LGSN: variants seen among roughly 807,000 people sequenced by gnomAD.
LGSN encodes lengsin.
LGSN carries 21 observed loss-of-function variants against 19.5 expected under a neutral mutation model. That is an observed-to-expected ratio of 1.07 (90% CI 0.76 to 1.55). The LOEUF (loss-of-function observed/expected upper bound fraction) is 1.55, where lower values mean the gene tolerates loss of function less well. LGSN is among the 40% of genes most tolerant of loss of function. The probability of loss-of-function intolerance (pLI) is 0.00; values close to 1 mark genes in which losing one functional copy is unlikely to be tolerated. For missense variants in LGSN, 673 were observed against 608.5 expected, an observed-to-expected ratio of 1.11 and a Z score of -1.12; for synonymous variants, 257 against 215.6, an observed-to-expected ratio of 1.19 and a Z score of -1.68.
the LGSN span, among the ~76,000 whole-genome samples, chr6:63,480,978 TATATATATAC>T: frequency 3.5e-4 from 12 of 34,676 alleles, no homozygotes; most frequent in African/African-American, 6.3e-4. Flanking sequence ...TATATATATA[TATATATATAC>T]ACACACACAT....
At chr6:63,545,193 C>G in the LGSN span, among the ~76,000 whole-genome samples, 2 of 152,298 alleles carry the variant, frequency 1.3e-5, no homozygotes, top group East Asian at 3.9e-4. Flanking sequence ...TTTTGATACT[C>G]AAATCGTCCC....
the LGSN span, among the ~76,000 whole-genome samples, chr6:63,350,448 A>G: frequency 6.6e-6 from 1 of 152,242 alleles, no homozygotes; most frequent in Non-Finnish European, 1.5e-5. Context: ...ATCTCAGTGC[A>G]TTCAAATTAA....
the LGSN span, among the ~76,000 whole-genome samples, chr6:63,399,424 C>T: frequency 5.6e-5 from 8 of 142,504 alleles, no homozygotes; most frequent in Non-Finnish European, 1.1e-4. Context: ...GACGGAGTTT[C>T]GCTCCTGTCA....
At chr6:63,429,382 G>T in the LGSN span, among the ~76,000 whole-genome samples, 2 of 152,072 alleles carry the variant, frequency 1.3e-5, no homozygotes, top group Admixed American at 1.3e-4. Context: ...AAAGAACTAT[G>T]CTATATTATA....
chr6:63,442,622 G>GTGCGTT, the LGSN span, among the ~76,000 whole-genome samples: 1 of 151,752 alleles, frequency 6.6e-6, no homozygotes, highest in East Asian at 1.9e-4. Context: ...GTGCTGACTG[G>GTGCGTT]TACGTTTACA....
At chr6:63,514,037 T>C in the LGSN span, among the ~76,000 whole-genome samples, 1 of 150,724 alleles carries the variant, frequency 6.6e-6, no homozygotes, top group Non-Finnish European at 1.5e-5. Flanking sequence ...AAATGAATAA[T>C]ATATAAAATA....
At chr6:63,488,605 G>A in the LGSN span, among the ~76,000 whole-genome samples, 2 of 152,098 alleles carry the variant, frequency 1.3e-5, no homozygotes, top group Non-Finnish European at 2.9e-5. Flanking sequence ...TATGGAATTA[G>A]AGGTGTGAAT....
At chr6:63,408,979 T>C in the LGSN span, among the ~76,000 whole-genome samples, 2 of 152,230 alleles carry the variant, frequency 1.3e-5, no homozygotes, top group East Asian at 1.9e-4. Context: ...AGTGCAATTA[T>C]AGCTCATTGC....
At chr6:63,412,483 GAAGA>G in the LGSN span, among the ~76,000 whole-genome samples, 2,174 of 52,646 alleles carry the variant, frequency 0.041, 125 homozygotes, top group Middle Eastern at 0.059. Context: ...AGAAGAAAGA[GAAGA>G]AAGAAAGAAA....
the LGSN span, among the ~76,000 whole-genome samples, chr6:63,356,154 A>G: frequency 6.6e-6 from 1 of 152,240 alleles, no homozygotes; most frequent in Admixed American, 6.5e-5. Flanking sequence ...GTATTTAAAA[A>G]TAAGATCACA....
chr6:63,387,064 G>A, the LGSN span, among the ~76,000 whole-genome samples: 3 of 152,062 alleles, frequency 2.0e-5, no homozygotes, highest in Non-Finnish European at 2.9e-5. Flanking sequence ...TCACACCACC[G>A]TGCTCCAGCC....
At chr6:63,556,373 G>A in the LGSN span, among the ~76,000 whole-genome samples, 1 of 151,472 alleles carries the variant, frequency 6.6e-6, no homozygotes, top group Non-Finnish European at 1.5e-5. Context: ...TAGAGACGAG[G>A]TCTCACTATG....
the LGSN span, among the ~76,000 whole-genome samples, chr6:63,364,795 C>T: frequency 6.6e-6 from 1 of 152,164 alleles, no homozygotes; most frequent in Non-Finnish European, 1.5e-5. Flanking sequence ...TTCAAAACTG[C>T]TCAACTACAT....
chr6:63,371,684 C>T, the LGSN span, among the ~76,000 whole-genome samples: 1 of 152,142 alleles, frequency 6.6e-6, no homozygotes, highest in African/African-American at 2.4e-5. Flanking sequence ...CAAAATAACA[C>T]ATTTTCTTAG....
At chr6:63,412,482 AG>A in the LGSN span, among the ~76,000 whole-genome samples, 106 of 71,900 alleles carry the variant, frequency 1.5e-3, 2 homozygotes, top group South Asian at 0.016. Context: ...GAGAAGAAAG[AG>A]AAGAAAGAAA....
chr6:63,428,645 C>A, the LGSN span, among the ~76,000 whole-genome samples: 3 of 152,210 alleles, frequency 2.0e-5, no homozygotes, highest in Non-Finnish European at 4.4e-5. Flanking sequence ...GCCACCGCAC[C>A]CGACCAGGCA....
chr6:63,473,472 TAAAAAAAAAA>T, the LGSN span, among the ~76,000 whole-genome samples: 1 of 59,368 alleles, frequency 1.7e-5, no homozygotes, highest in Non-Finnish European at 2.9e-5. Flanking sequence ...ACACTCTGTC[TAAAAAAAAAA>T]AAAAAAAAAA....
chr6:63,308,327 C>T (rs1266909208), intron 1 of LGSN, among the ~76,000 whole-genome samples: 2 of 152,074 alleles, frequency 1.3e-5, no homozygotes. Context: ...AAGTTCATTA[C>T]AAGACATTTT....
chr6:63,370,242 G>A, the LGSN span, among the ~76,000 whole-genome samples: 4 of 152,208 alleles, frequency 2.6e-5, no homozygotes, highest in Non-Finnish European at 4.4e-5. Context: ...CAGAGTAACT[G>A]ACAAGATGTG....
Sources: allele counts gnomAD v4.1 joint callset (sites outside exome capture counted in the v4.1 genomes callset), GRCh38; gene constraint gnomAD v4.1.1; transcripts MANE v1.5; gene names NCBI Gene and HGNC (gene_info 2026-07-23, HGNC 2026-07-21).